The following THSD7B variants were observed in gnomAD, a reference collection of about 807,000 sequenced individuals.
THSD7B encodes the protein thrombospondin type-1 domain-containing protein 7B.
In THSD7B, 138 loss-of-function variants were observed where a neutral mutation model predicts 213.6. That is an observed-to-expected ratio of 0.65 (90% CI 0.56 to 0.74). The LOEUF (loss-of-function observed/expected upper bound fraction) is 0.74. THSD7B is among the 30% of genes least tolerant of loss of function. The pLI is 0.00. For missense variants in THSD7B, 1,931 were observed against 1,991.5 expected (o/e 0.97, Z 0.58); for synonymous variants, 742 against 687.0 (o/e 1.08, Z -1.25).
chr2:136,967,873 G>T (rs1685345780), intron 2 of THSD7B, among the ~76,000 whole-genome samples: 1 of 152,144 alleles, frequency 6.6e-6, no homozygotes, highest in Non-Finnish European at 1.5e-5. Flanking sequence ...AAATTATACT[G>T]TATATGGATC....
intron 7 of THSD7B, among the ~76,000 whole-genome samples, chr2:137,188,710 C>T (rs999914238): frequency 2.0e-5 from 3 of 152,172 alleles, no homozygotes; most frequent in African/African-American, 7.2e-5. Flanking sequence ...GGATGGCTGT[C>T]ATCTAACTTC....
At chr2:136,949,076 C>A (rs986768659) in intron 2 of THSD7B, among the ~76,000 whole-genome samples, 2 of 152,086 alleles carry the variant, frequency 1.3e-5, no homozygotes, top group African/African-American at 4.8e-5. Flanking sequence ...TAAACCTTAC[C>A]TTGTCTTAGT....
At chr2:137,206,237 T>G (rs1247737928) in intron 7 of THSD7B, among the ~76,000 whole-genome samples, 1 of 152,026 alleles carries the variant, frequency 6.6e-6, no homozygotes, top group Non-Finnish European at 1.5e-5. Context: ...GGAGGAGTCC[T>G]TAAATCCTGA....
intron 5 of THSD7B, among the ~76,000 whole-genome samples, chr2:137,124,463 C>T (rs1688598557): frequency 1.3e-5 from 2 of 152,160 alleles, no homozygotes; most frequent in Admixed American, 1.3e-4. Flanking sequence ...ACATCAGGTT[C>T]TCTTCATAAG....
chr2:136,932,412 G>T lies in THSD7B; in HGVS notation c.139+50095G>T, dbSNP rs191503593. Among the ~76,000 whole-genome samples, 857 of 152,294 alleles carry T rather than the reference G, an allele frequency of 5.6e-3. 4 individuals carry two copies. The highest frequency in any genetic ancestry group is 7.7e-3 in the Non-Finnish European group (527 of 68,030). ...CAGTTCACCCTTGAACACTGTGGGG[G>T]TTTGGGGCACTGGCCCCTGCGAAGT... On this transcript the variant is annotated intron_variant, in intron 2 of 27. Transcript: ENST00000409968.
chr2:136,935,034 G>A (rs1684698147), intron 2 of THSD7B, among the ~76,000 whole-genome samples: 1 of 152,076 alleles, frequency 6.6e-6, no homozygotes, highest in Non-Finnish European at 1.5e-5. Flanking sequence ...TTCTTCCAAG[G>A]TAAAACTGTG....
chr2:137,114,508 A>G (rs983028864), intron 4 of THSD7B, among the ~76,000 whole-genome samples: 1 of 152,258 alleles, frequency 6.6e-6, no homozygotes, highest in Admixed American at 6.5e-5. Flanking sequence ...ATCAGTTTAT[A>G]TAACAGTATG....
intron 1 of THSD7B, among the ~76,000 whole-genome samples, chr2:136,801,056 G>A (rs1284644058): frequency 2.0e-5 from 3 of 151,786 alleles, no homozygotes; most frequent in African/African-American, 4.8e-5. Flanking sequence ...CTGTGTGTAC[G>A]TCCATTGTAG....
chr2:136,962,596 A>G (rs1353200981), intron 2 of THSD7B, among the ~76,000 whole-genome samples: 1 of 151,872 alleles, frequency 6.6e-6, no homozygotes, highest in Non-Finnish European at 1.5e-5. Flanking sequence ...CCTCCCCTGT[A>G]AGGGAAGAAA....
chr2:137,586,032 C>T (rs914439808), intron 17 of THSD7B, among the ~76,000 whole-genome samples: 1 of 142,640 alleles, frequency 7.0e-6, no homozygotes, highest in African/African-American at 2.6e-5. Flanking sequence ...GTATTGGGTG[C>T]ATTATATTTA....
chr2:137,276,332 T>C (rs888005468), intron 12 of THSD7B, among the ~76,000 whole-genome samples: 1 of 152,086 alleles, frequency 6.6e-6, no homozygotes, highest in Non-Finnish European at 1.5e-5. Flanking sequence ...TATCTGTGAA[T>C]GAAGGTTTTG....
At chr2:136,814,955 T>C (rs1682447293) in intron 1 of THSD7B, among the ~76,000 whole-genome samples, 1 of 151,526 alleles carries the variant, frequency 6.6e-6, no homozygotes, top group African/African-American at 2.5e-5. Flanking sequence ...TAACATCATA[T>C]TCAAATTTTA....
intron 7 of THSD7B, among the ~76,000 whole-genome samples, chr2:137,181,086 A>G (rs901454401): frequency 6.6e-6 from 1 of 152,228 alleles, no homozygotes; most frequent in Non-Finnish European, 1.5e-5. Context: ...GTACATACTT[A>G]TCTGGTTTTC....
At chr2:137,660,145 T>C (rs1345086836) in intron 25 of THSD7B, among the ~76,000 whole-genome samples, 1 of 152,210 alleles carries the variant, frequency 6.6e-6, no homozygotes. Flanking sequence ...GTGAGTACAT[T>C]TTTAGTTTAT....
rs187821354 is a variant in THSD7B at position 137,393,763 on chromosome 2, T to G, written c.2501-11850T>G. On this transcript the variant is annotated intron_variant, in intron 12 of 27. Coordinates refer to ENST00000409968, the MANE Select transcript of THSD7B (RefSeq NM_001316349.2). ...TGACGTCCACAATGGTTGAACTAGTTTACAGTACCACCAACAGTGTAAAAG... is the reference window on the plus strand; with the variant it reads ...TGACGTCCACAATGGTTGAACTAGTGTACAGTACCACCAACAGTGTAAAAG... Among the ~76,000 whole-genome samples, 6 of 141,080 alleles carry G rather than the reference T, an allele frequency of 4.3e-5. No individual in the cohort carries two copies. The East Asian group carries it at 1.2e-3, about 28-fold the overall frequency. The allele number at this position is 141,080 out of a possible 152,430, so 92.6% of individuals were successfully genotyped here.
intron 17 of THSD7B, among the ~76,000 whole-genome samples, chr2:137,602,451 G>A (rs1385162509): frequency 1.3e-5 from 2 of 151,950 alleles, no homozygotes; most frequent in East Asian, 1.9e-4. Flanking sequence ...TTGTATTTTA[G>A]TAGAGACGGG....
At chr2:137,259,407 G>T (rs193132722) in intron 10 of THSD7B, among the ~76,000 whole-genome samples, 11 of 152,252 alleles carry the variant, frequency 7.2e-5, no homozygotes, top group Middle Eastern at 3.4e-3. Context: ...ATCTCATTGT[G>T]GTTTTGATTT....
At chr2:137,293,900 C>T (rs969290514) in intron 12 of THSD7B, among the ~76,000 whole-genome samples, 2 of 152,056 alleles carry the variant, frequency 1.3e-5, no homozygotes, top group African/African-American at 2.4e-5. Context: ...TTTTATAATG[C>T]CTTGAGTACT....
chr2:137,108,985 A>G (rs1009619384), intron 4 of THSD7B, among the ~76,000 whole-genome samples: 3 of 152,214 alleles, frequency 2.0e-5, no homozygotes, highest in Non-Finnish European at 2.9e-5. Flanking sequence ...TACGTGGGTC[A>G]AAAACAAATT....
Sources: gnomAD v4.1 joint callset for allele counts (sites outside exome capture counted in the v4.1 genomes callset) on GRCh38, gnomAD v4.1.1 for gene constraint, MANE v1.5 for transcripts, NCBI Gene and HGNC (gene_info 2026-07-23, HGNC 2026-07-21) for gene names.